The following ASB4 variants were observed in gnomAD, a reference collection of about 807,000 sequenced individuals.
ASB4 encodes ankyrin repeat and SOCS box protein 4.
ASB4 carries 35 observed loss-of-function variants against 38.6 expected under a neutral mutation model. That is an observed-to-expected ratio of 0.91 (90% CI 0.69 to 1.20). ASB4 has a LOEUF of 1.20. Ranked by LOEUF, ASB4 falls within the 50% of genes most tolerant of loss-of-function variation. ASB4 has a pLI of 0.00. For synonymous variants in ASB4, 195 were observed against 201.3 expected, an observed-to-expected ratio of 0.97 and a Z score of 0.26; for missense variants, 557 against 527.2, an observed-to-expected ratio of 1.06 and a Z score of -0.55.
At chr7:95,483,793 CGAT>C (rs1333422040), upstream of ASB4, among the ~76,000 whole-genome samples, 1 of 151,930 alleles carries the variant, frequency 6.6e-6, no homozygotes, top group Non-Finnish European at 1.5e-5. Flanking sequence ...GGTAGATACT[CGAT>C]GGGTATTTGT....
chr7:95,516,502 GA>G (rs1172751527), intron 2 of ASB4, among the ~76,000 whole-genome samples: 1 of 152,098 alleles, frequency 6.6e-6, no homozygotes, highest in Non-Finnish European at 1.5e-5. Context: ...TGGGTTCAAT[GA>G]AAAAAATGTG....
At chr7:95,528,358 T>G (rs1165539005) in intron 3 of ASB4, 55 bp downstream of exon 3, 1 of 1,608,960 alleles carries the variant, frequency 6.2e-7, no homozygotes, top group Admixed American at 1.7e-5. Context: ...GGCAGCCTTG[T>G]CTGAAATCTC....
At chr7:95,498,299 T>C (rs1302113143) in intron 2 of ASB4, among the ~76,000 whole-genome samples, 2 of 152,200 alleles carry the variant, frequency 1.3e-5, no homozygotes, top group East Asian at 3.9e-4. Flanking sequence ...CAGTTTGCAA[T>C]CATTACAAAC....
At chr7:95,526,799 G>T (rs1483001638) in intron 2 of ASB4, among the ~76,000 whole-genome samples, 2 of 152,158 alleles carry the variant, frequency 1.3e-5, no homozygotes, top group Non-Finnish European at 2.9e-5. Context: ...ACTTGAAGTA[G>T]CTATAAAAAA....
At chr7:95,509,757 C>T (rs1790455633) in intron 2 of ASB4, among the ~76,000 whole-genome samples, 1 of 152,080 alleles carries the variant, frequency 6.6e-6, no homozygotes, top group African/African-American at 2.4e-5. Flanking sequence ...TATGATGTGG[C>T]TATGTCAGGT....
Position 95,515,159 on chromosome 7 carries a change from T to TTCTC in ASB4, c.488-12652_488-12649dup, listed in dbSNP as rs1300413524. 2.1e-3 allele frequency among the ~76,000 whole-genome samples: 205 copies of TTCTC among 95,940 alleles called. 2 individuals are homozygous for TTCTC. The highest frequency in any genetic ancestry group is 6.6e-3 in the African/African-American group (146 of 22,206). The allele number at this position is 95,940 out of a possible 152,430, so 62.9% of individuals were successfully genotyped here. On this transcript the variant is annotated intron_variant, in intron 2 of 4. Coordinates refer to ENST00000325885, the MANE Select transcript of ASB4 (RefSeq NM_016116.3). Reference sequence around the variant, plus strand: ...CAAGCAATTGTTTTTCTTTCTTTCTTTCTCTTTCTCTTTCTTTCTTTCTTT... The same window carrying TTCTC: ...CAAGCAATTGTTTTTCTTTCTTTCTTTCTCTCTCTTTCTCTTTCTTTCTTTCTTT...
chr7:95,547,763 T>G, the ASB4 span, among the ~76,000 whole-genome samples: 3 of 152,174 alleles, frequency 2.0e-5, no homozygotes, highest in African/African-American at 7.2e-5. Context: ...TCTCATCCCA[T>G]CGGTTGAATG....
intron 2 of ASB4, among the ~76,000 whole-genome samples, chr7:95,505,656 G>A: frequency 6.6e-6 from 1 of 151,088 alleles, no homozygotes; most frequent in East Asian, 2.0e-4. Context: ...AATGGAAAAT[G>A]AGGATCTGGC....
intron 2 of ASB4, among the ~76,000 whole-genome samples, chr7:95,500,410 A>G (rs1790318161): frequency 6.6e-6 from 1 of 151,718 alleles, no homozygotes; most frequent in African/African-American, 2.4e-5. Flanking sequence ...TTACTAAAGG[A>G]AAAATAAATT....
chr7:95,545,003 T>G (rs1179097779), downstream of ASB4, among the ~76,000 whole-genome samples: 2 of 151,992 alleles, frequency 1.3e-5, no homozygotes, highest in Admixed American at 6.6e-5. Flanking sequence ...TGACAGGGTT[T>G]CTAAGACATT....
At chr7:95,548,253 A>G in the ASB4 span, among the ~76,000 whole-genome samples, 2 of 152,192 alleles carry the variant, frequency 1.3e-5, no homozygotes, top group Non-Finnish European at 2.9e-5. Context: ...AATTTTAGCC[A>G]TTCTGATAGG....
intron 1 of ASB4, among the ~76,000 whole-genome samples, chr7:95,479,296 T>G (rs1041129573): frequency 6.6e-6 from 1 of 152,238 alleles, no homozygotes; most frequent in South Asian, 2.1e-4. Context: ...GATGTTCTAT[T>G]AGTCCACTGA....
the ASB4 span, among the ~76,000 whole-genome samples, chr7:95,471,147 A>C: frequency 6.6e-6 from 1 of 152,102 alleles, no homozygotes; most frequent in African/African-American, 2.4e-5. Flanking sequence ...ATCCTGCACA[A>C]TTGCCAGCAG....
the ASB4 span, among the ~76,000 whole-genome samples, chr7:95,545,441 T>C: frequency 6.6e-5 from 10 of 152,188 alleles, no homozygotes; most frequent in African/African-American, 2.4e-4. Context: ...AAAAACAACA[T>C]TGCAGTTAGT....
chr7:95,486,161 A>G lies in ASB4; in HGVS notation c.187+3A>G, dbSNP rs773282534. On this transcript the variant is annotated splice_donor_region_variant and intron_variant, in intron 1 of 4. Coordinates refer to ENST00000325885, the MANE Select transcript of ASB4 (RefSeq NM_016116.3). ...GGTTTTGGCATCTTATAAACAAGGTAAAAACATATAGGTGTTATTGTAGAA... is the reference window on the plus strand; with the variant it reads ...GGTTTTGGCATCTTATAAACAAGGTGAAAACATATAGGTGTTATTGTAGAA... The G allele has an allele frequency of 6.2e-7, 1 of 1,611,202 alleles. No individual in the cohort carries two copies. Among genetic ancestry groups the G allele is most frequent in the Non-Finnish European group, 8.5e-7 (1 of 1,177,922 alleles).
intron 2 of ASB4, among the ~76,000 whole-genome samples, chr7:95,522,841 A>G (rs1479308516): frequency 6.6e-6 from 1 of 152,148 alleles, no homozygotes; most frequent in East Asian, 1.9e-4. Flanking sequence ...TGCAGAGAAA[A>G]TTTAATTTTT....
intron 2 of ASB4, among the ~76,000 whole-genome samples, chr7:95,519,440 A>G (rs1227027374): frequency 1.3e-5 from 2 of 152,224 alleles, no homozygotes; most frequent in East Asian, 1.9e-4. Context: ...AAAAGAGCAG[A>G]CACAATTAAT....
chr7:95,501,397 T>C (rs893422162), intron 2 of ASB4, among the ~76,000 whole-genome samples: 2 of 152,318 alleles, frequency 1.3e-5, no homozygotes, highest in African/African-American at 2.4e-5. Context: ...AAGTGGAACA[T>C]GGTAAGGCAA....
chr7:95,508,531 G>T (rs931782096), intron 2 of ASB4, among the ~76,000 whole-genome samples: 2 of 152,126 alleles, frequency 1.3e-5, no homozygotes, highest in East Asian at 1.9e-4. Context: ...CTGGGTTTCC[G>T]AGCAGTCTGG....
Sources: gnomAD v4.1 joint callset for allele counts (sites outside exome capture counted in the v4.1 genomes callset) on GRCh38, gnomAD v4.1.1 for gene constraint, MANE v1.5 for transcripts, NCBI Gene and HGNC (gene_info 2026-07-23, HGNC 2026-07-21) for gene names.